SAGE1: variants seen among roughly 807,000 people sequenced by gnomAD.
SAGE1 encodes the protein sarcoma antigen 1, also known as cancer/testis antigen 14.
In SAGE1, 55 loss-of-function variants were observed where a neutral mutation model predicts 55.4. The ratio of observed to expected loss-of-function variants is 0.99; its 90% confidence interval spans 0.80 to 1.24. SAGE1 has a LOEUF of 1.24. Ranked by LOEUF, SAGE1 falls within the 50% of genes most tolerant of loss-of-function variation. The pLI, the probability that SAGE1 is intolerant of heterozygous loss-of-function variation, is 0.00. For synonymous variants in SAGE1, 240 were observed against 244.3 expected (o/e 0.98, Z 0.17); for missense variants, 710 against 704.4 (o/e 1.01, Z -0.09).
intron 13 of SAGE1, 98 bp from the exon 14 acceptor site, chrX:135,909,541 T>G: frequency 1.1e-6 from 1 of 885,906 alleles, no homozygotes; most frequent in Non-Finnish European, 1.6e-6. Context: ...TCCTGTGTTA[T>G]GGAACAATTT....
chrX:135,895,471 T>G (rs1363091970), intron 1 of SAGE1, among the ~76,000 whole-genome samples: 1 of 112,279 alleles, frequency 8.9e-6, no homozygotes, highest in Non-Finnish European at 1.9e-5. Flanking sequence ...GGGAAAAATA[T>G]CTGTAGATTT....
At chrX:135,894,083 G>T (rs1281950774) in intron 1 of SAGE1, among the ~76,000 whole-genome samples, 1 of 110,795 alleles carries the variant, frequency 9.0e-6, no homozygotes, top group Non-Finnish European at 1.9e-5. Context: ...ATTTTGAGAC[G>T]GAGTTTCACT....
chrX:135,900,825 A>G lies in SAGE1; in HGVS notation c.88-734A>G, dbSNP rs1334043702. ...ATATGTATCATCTAATAAAGTATTA[A>G]TGATTATTGGTTAATAAGTAACTTT... On this transcript the variant is annotated intron_variant, in intron 2 of 19. Transcript: ENST00000370709. 2.7e-5 allele frequency among the ~76,000 whole-genome samples: 3 copies of G among 111,098 alleles called. No homozygotes were observed. In the East Asian group the frequency reaches 8.4e-4, roughly 31 times the overall value.
intron 2 of SAGE1, among the ~76,000 whole-genome samples, chrX:135,900,027 T>C (rs782652119): frequency 4.5e-5 from 5 of 111,069 alleles, no homozygotes; most frequent in Non-Finnish European, 9.4e-5. Context: ...CGTGTAATAC[T>C]ATGTTGAATA....
At chrX:135,908,359 G>A (rs1217740899) in intron 11 of SAGE1, 118 bp from the exon 12 acceptor site, 5 of 1,017,616 alleles carry the variant, frequency 4.9e-6, no homozygotes, top group Non-Finnish European at 6.7e-6. Context: ...TCGCTGCCTG[G>A]TATATCCTCC....
chrX:135,898,631 T>C (rs2088624424), intron 2 of SAGE1, among the ~76,000 whole-genome samples: 1 of 112,173 alleles, frequency 8.9e-6, no homozygotes, highest in South Asian at 3.7e-4. Flanking sequence ...CAGTCCTTTT[T>C]CTCCACAGCC....
At position 135,912,935 on chromosome X, in the gene SAGE1, A is replaced by G; in HGVS notation, c.*38A>G. The G allele has an allele frequency of 1.1e-6, 1 of 912,793 alleles. No homozygotes were observed. Among genetic ancestry groups the G allele is most frequent in the Non-Finnish European group, 1.6e-6 (1 of 633,675 alleles). 75.2% of individuals were successfully genotyped at this position (912,793 alleles called of 1,213,427 possible). A position where few individuals can be genotyped will look rare whatever the true frequency, so the allele number is the denominator to read the frequency against. On this transcript the variant is annotated 3_prime_UTR_variant, in exon 20 of 20. Transcript: ENST00000370709. ...AAAGACCAAGGAGAAACAAGGACATATGCTGTAGGATGGAACAGGTTATTG... is the reference window on the plus strand; with the variant it reads ...AAAGACCAAGGAGAAACAAGGACATGTGCTGTAGGATGGAACAGGTTATTG...
At chrX:135,898,947 T>C (rs1291434121) in intron 2 of SAGE1, among the ~76,000 whole-genome samples, 1 of 112,446 alleles carries the variant, frequency 8.9e-6, no homozygotes, top group Admixed American at 9.4e-5. Context: ...GTAGGCTGTC[T>C]ATTCACTCTG....
rs782414080 is a variant in SAGE1, at chrX:135,898,261, C to T, written c.87+1932C>T. On this transcript the variant is annotated intron_variant, in intron 2 of 19. Transcript: ENST00000370709. ...GTCTCCATCTCCTGACCTCGTGATCCGCCCGCCTTGGCCTCCCAAAGTGCT... is the reference window on the plus strand; with the variant it reads ...GTCTCCATCTCCTGACCTCGTGATCTGCCCGCCTTGGCCTCCCAAAGTGCT... 1.6e-4 allele frequency among the ~76,000 whole-genome samples: 18 copies of T among 111,016 alleles called. No homozygotes were observed. In the East Asian group the frequency reaches 3.2e-3, roughly 19 times the overall value.
In SAGE1 at chrX:135,905,154, G is replaced by A. The variant is rs782301962; in HGVS notation, c.314-98G>A. The A allele has an allele frequency of 8.7e-6, 7 of 800,196 alleles. No homozygotes were observed. In the South Asian group the frequency reaches 1.4e-4, roughly 16 times the overall value. 65.9% of individuals were successfully genotyped at this position (800,196 alleles called of 1,213,427 possible). A position where few individuals can be genotyped will look rare whatever the true frequency, so the allele number is the denominator to read the frequency against. On this transcript the variant is annotated intron_variant, in intron 4 of 19. Coordinates refer to ENST00000370709, the MANE Select transcript of SAGE1 (RefSeq NM_001381902.1). ...TTATATGATGTATTCTCCTGCATTA[G>A]GGGATAATTTCCTAGAAACCGAGCA...
chrX:135,912,911 A>C lies in SAGE1; in HGVS notation c.*14A>C. On this transcript the variant is annotated 3_prime_UTR_variant, in exon 20 of 20. Coordinates refer to ENST00000370709, the MANE Select transcript of SAGE1 (RefSeq NM_001381902.1). ...AGAAAAAGATAATTGTGTTAGTGCAAAGACCAAGGAGAAACAAGGACATAT... is the reference window on the plus strand; with the variant it reads ...AGAAAAAGATAATTGTGTTAGTGCACAGACCAAGGAGAAACAAGGACATAT... 1.9e-6 allele frequency: 2 copies of C among 1,078,113 alleles called. No individual in the cohort carries two copies. The highest frequency in any genetic ancestry group is 1.9e-5 in the South Asian group (1 of 52,317). 88.8% of individuals were successfully genotyped at this position (1,078,113 alleles called of 1,213,427 possible).
chrX:135,905,978 C>G (rs1556600413), intron 5 of SAGE1, 46 bp from the exon 6 acceptor site: 1 of 1,107,266 alleles, frequency 9.0e-7, no homozygotes, highest in South Asian at 2.1e-5. Flanking sequence ...GTGGCACTGA[C>G]GTAATGCACT....
intron 13 of SAGE1, among the ~76,000 whole-genome samples, 196 bp downstream of exon 13, chrX:135,909,200 G>C (rs1365695561): frequency 9.0e-6 from 1 of 111,707 alleles, no homozygotes; most frequent in Non-Finnish European, 1.9e-5. Flanking sequence ...TATATCTGCA[G>C]GGCTGACATA....
chrX:135,895,616 C>T (rs1336409027), intron 1 of SAGE1, among the ~76,000 whole-genome samples: 5 of 111,860 alleles, frequency 4.5e-5, no homozygotes. Context: ...AGTTTTTAAT[C>T]AGAGTGTTCT....
intron 3 of SAGE1, among the ~76,000 whole-genome samples, chrX:135,903,671 G>T (rs1196733826): frequency 8.9e-6 from 1 of 112,239 alleles, no homozygotes; most frequent in Non-Finnish European, 1.9e-5. Context: ...AGTATTTGGG[G>T]TAGAAAGGAG....
At chrX:135,910,364 CG>C (rs1467501350) in intron 15 of SAGE1, 50 bp from the exon 16 acceptor site, 2 of 1,175,852 alleles carry the variant, frequency 1.7e-6, no homozygotes, top group Non-Finnish European at 2.3e-6. Flanking sequence ...TATGCCTGTG[CG>C]GTTGACATAA....
intron 8 of SAGE1, 32 bp downstream of exon 8, chrX:135,907,098 T>C (rs1299282157): frequency 8.5e-7 from 1 of 1,182,271 alleles, no homozygotes; most frequent in East Asian, 3.0e-5. Context: ...ATTATCCTGC[T>C]TGGTTTCCAT....
rs1556604192 is a variant in SAGE1, at chrX:135,908,887, C to T, written c.1465C>T (p.Arg489Cys). 1.7e-6 allele frequency: 2 copies of T among 1,208,948 alleles called. No homozygotes were observed. The highest frequency in any genetic ancestry group is 1.8e-5 in the South Asian group (1 of 56,720). Reference protein sequence around the residue: ...DLYATITHSVREEKMESGKPQ... With the variant: ...DLYATITHSVCEEKMESGKPQ... ...AGATGCTACCATTACTCACAGTGTT[C>T]GTGAAGAGAAGATGGAAAGTGGCAA... The change falls in exon 13 of 20, where the codon CGT becomes TGT. Residue 489 changes from arginine to cysteine, a missense_variant. Physicochemically the swap from Arg to Cys is radical, Grantham distance 180. Coordinates refer to ENST00000370709, the MANE Select transcript of SAGE1 (RefSeq NM_001381902.1).
Position 135,910,469 on chromosome X carries a change from C to T in SAGE1, c.1919C>T (p.Ala640Val). ...GAGAAGATAAATAACAGCCAACCAGCACCTGGTAACATCTTGTCAACTGCT... is the reference window on the plus strand; with the variant it reads ...GAGAAGATAAATAACAGCCAACCAGTACCTGGTAACATCTTGTCAACTGCT... Reference protein sequence around the residue: ...REEKINNSQPAPGNILSTAPP... With the variant: ...REEKINNSQPVPGNILSTAPP... The change falls in exon 16 of 20, where the codon GCA becomes GTA. Residue 640 changes from alanine (A) to valine (V), a missense_variant. Transcript: ENST00000370709. 3 of 1,208,778 alleles carry T rather than the reference C, an allele frequency of 2.5e-6. No individual in the cohort carries two copies. The highest frequency in any genetic ancestry group is 3.4e-6 in the Non-Finnish European group (3 of 892,871).
Sources: allele counts gnomAD v4.1 joint callset (sites outside exome capture counted in the v4.1 genomes callset), GRCh38; gene constraint gnomAD v4.1.1; transcripts MANE v1.5; gene names NCBI Gene and HGNC (gene_info 2026-07-23, HGNC 2026-07-21).